PPP2R2A: variants seen among roughly 807,000 people sequenced by gnomAD.
The protein encoded by PPP2R2A is protein phosphatase 2 regulatory subunit Balpha, also known as serine/threonine-protein phosphatase 2A 55 kDa regulatory subunit B alpha isoform.
PPP2R2A carries 9 observed loss-of-function variants against 53.2 expected under a neutral mutation model. The observed-to-expected ratio is 0.17, with a 90% confidence interval of 0.10 to 0.30. PPP2R2A has a LOEUF of 0.30. Ranked by LOEUF, PPP2R2A falls within the 10% of genes least tolerant of loss-of-function variation. The pLI, the probability that PPP2R2A is intolerant of heterozygous loss-of-function variation, is 1.00. For synonymous variants in PPP2R2A, 169 were observed against 174.2 expected, an observed-to-expected ratio of 0.97 and a Z score of 0.23; for missense variants, 235 against 534.6, an observed-to-expected ratio of 0.44 and a Z score of 5.53.
chr8:26,329,845 G>C (rs1803279383), intron 2 of PPP2R2A, among the ~76,000 whole-genome samples: 1 of 152,108 alleles, frequency 6.6e-6, no homozygotes, highest in Admixed American at 6.5e-5. Flanking sequence ...TTTTTACAAA[G>C]AATTCTTCAC....
chr8:26,329,401 T>C (rs7841180), intron 2 of PPP2R2A, among the ~76,000 whole-genome samples: 20 of 152,348 alleles, frequency 1.3e-4, no homozygotes, highest in African/African-American at 4.1e-4. Context: ...TCCTTATTCC[T>C]AATAACCCTG....
chr8:26,305,343 C>G (rs1801969765), intron 2 of PPP2R2A, among the ~76,000 whole-genome samples: 1 of 152,040 alleles, frequency 6.6e-6, no homozygotes, highest in Non-Finnish European at 1.5e-5. Context: ...TGTTTTAACT[C>G]TCGAGCTCCT....
chr8:26,352,929 A>C (rs1370867597), intron 3 of PPP2R2A, among the ~76,000 whole-genome samples: 1 of 152,188 alleles, frequency 6.6e-6, no homozygotes, highest in Non-Finnish European at 1.5e-5. Context: ...GATTCTGTCT[A>C]TCCCTCTACG....
intron 2 of PPP2R2A, among the ~76,000 whole-genome samples, chr8:26,319,503 C>G (rs1171094941): frequency 6.6e-6 from 1 of 152,158 alleles, no homozygotes; most frequent in African/African-American, 2.4e-5. Context: ...AGGTCTTTAG[C>G]CCTTTGATCC....
At chr8:26,313,011 T>C (rs1802363460) in intron 2 of PPP2R2A, among the ~76,000 whole-genome samples, 1 of 152,012 alleles carries the variant, frequency 6.6e-6, no homozygotes. Context: ...TAGCTATTTC[T>C]TCTGGTGTTT....
At chr8:26,325,216 T>TAA (rs1347073761) in intron 2 of PPP2R2A, among the ~76,000 whole-genome samples, 1 of 151,772 alleles carries the variant, frequency 6.6e-6, no homozygotes, top group African/African-American at 2.4e-5. Flanking sequence ...AATTCCCACA[T>TAA]GTTGTTGTGG....
Position 26,370,034 on chromosome 8 carries a change from C to T in PPP2R2A, c.1065-100C>T. On this transcript the variant is annotated intron_variant, in intron 9 of 9. Transcript: ENST00000380737. The surrounding 1 kb of genome is among the most constrained non-coding windows in gnomAD (Gnocchi z 6.1). Reference sequence around the variant, plus strand: ...GCCCCTGTCCCTTAGTTTAAATCTGCTTTTGAAGTAGCTTCCTATGGTTTA... The same window carrying T: ...GCCCCTGTCCCTTAGTTTAAATCTGTTTTTGAAGTAGCTTCCTATGGTTTA... 9 of 1,290,392 alleles carry T rather than the reference C, an allele frequency of 7.0e-6. No homozygotes were observed. The highest frequency in any genetic ancestry group is 9.7e-6 in the Non-Finnish European group (9 of 926,796). 79.9% of individuals were successfully genotyped at this position (1,290,392 alleles called of 1,614,324 possible).
intron 1 of PPP2R2A, chr8:26,292,425 A>G: frequency 1.0e-6 from 1 of 985,552 alleles, no homozygotes; most frequent in Non-Finnish European, 1.2e-6. Flanking sequence ...ACCGCCGAAG[A>G]GTGCAAGGCC....
chr8:26,322,839 GATAA>G (rs961995534), intron 2 of PPP2R2A, among the ~76,000 whole-genome samples: 2 of 152,126 alleles, frequency 1.3e-5, no homozygotes, highest in African/African-American at 4.8e-5. Flanking sequence ...TCCTTTTGAC[GATAA>G]ATAAAGCCAC....
chr8:26,369,870 C>G (rs17400920), intron 9 of PPP2R2A, among the ~76,000 whole-genome samples: 6,834 of 152,234 alleles, frequency 0.045, 189 homozygotes, highest in South Asian at 0.12. Context: ...AACGATAATT[C>G]TGCACTCCTA....
At chr8:26,315,762 G>C (rs1224024088) in intron 2 of PPP2R2A, among the ~76,000 whole-genome samples, 1 of 152,078 alleles carries the variant, frequency 6.6e-6, no homozygotes, top group African/African-American at 2.4e-5. Context: ...TCCTTCTGCT[G>C]TTGCCTTGCG....
chr8:26,295,369 A>G (rs1465290492), intron 2 of PPP2R2A, among the ~76,000 whole-genome samples: 1 of 151,944 alleles, frequency 6.6e-6, no homozygotes, highest in Non-Finnish European at 1.5e-5. Context: ...ATAACTTGTG[A>G]TATACATTAA....
intron 1 of PPP2R2A, 164 bp downstream of exon 1, chr8:26,291,990 G>A: frequency 8.1e-7 from 1 of 1,232,106 alleles, no homozygotes; most frequent in Non-Finnish European, 1.1e-6. Context: ...GAGGGCTCCC[G>A]GGAGGCAAGT....
rs1219207945 is a variant in PPP2R2A at position 26,354,189 on chromosome 8, CA to C, written c.181-278del. On this transcript the variant is annotated intron_variant, in intron 3 of 9. Coordinates refer to ENST00000380737, the MANE Select transcript of PPP2R2A (RefSeq NM_002717.4). The surrounding 1 kb of genome is among the most constrained non-coding windows in gnomAD (Gnocchi z 4.6). ...TTTTCATAGACTATACCATCAAATA[CA>C]TAAGAGTAAATTAGCAATCAAATTG... Among the ~76,000 whole-genome samples the C allele has an allele frequency of 1.3e-5, 2 of 151,984 alleles. No individual in the cohort carries two copies. Among genetic ancestry groups the C allele is most frequent in the Non-Finnish European group, 2.9e-5 (2 of 68,000 alleles).
intron 4 of PPP2R2A, among the ~76,000 whole-genome samples, chr8:26,357,622 T>A (rs1804861597): frequency 6.6e-6 from 1 of 152,148 alleles, no homozygotes; most frequent in Admixed American, 6.5e-5. Context: ...CATATATGAA[T>A]AATGTAAAGT....
chr8:26,297,028 CAA>C lies in PPP2R2A; in HGVS notation c.82+3289_82+3290del, dbSNP rs200097508. On this transcript the variant is annotated intron_variant, in intron 2 of 9. Transcript: ENST00000380737. ...TCCTGTGTGTTTAGCAATGGAATAA[CAA>C]GAGTGGATTAGGTGATTTCTGCTCT... Among the ~76,000 whole-genome samples the C allele has an allele frequency of 7.4e-3, 1,121 of 152,218 alleles. 14 individuals are homozygous for C. Among genetic ancestry groups the C allele is most frequent in the African/African-American group, 0.026 (1,067 of 41,532 alleles).
chr8:26,356,905 G>T (rs1162946920), intron 4 of PPP2R2A, among the ~76,000 whole-genome samples: 1 of 152,062 alleles, frequency 6.6e-6, no homozygotes, highest in Admixed American at 6.6e-5. Flanking sequence ...GTGTTATTTC[G>T]AAGCAAATCC....
Position 26,362,553 on chromosome 8 carries a change from TA to T in PPP2R2A, c.638-126del. The T allele has an allele frequency of 1.2e-6, 1 of 833,452 alleles. No homozygotes were observed. Among genetic ancestry groups the T allele is most frequent in the Non-Finnish European group, 1.8e-6 (1 of 546,706 alleles). The allele number at this position is 833,452 out of a possible 1,614,324, so 51.6% of individuals were successfully genotyped here. On this transcript the variant is annotated intron_variant, in intron 6 of 9. Transcript: ENST00000380737. This position sits in a 1 kb window ranked among gnomAD's most constrained non-coding sequence, Gnocchi z 4.4. ...TTAATCCCTTTGGAATTTATACTCA[TA>T]AAAACAGTGGAGTGCAATTCAGAAT...
At chr8:26,310,133 T>C (rs1205236095) in intron 2 of PPP2R2A, among the ~76,000 whole-genome samples, 1 of 143,542 alleles carries the variant, frequency 7.0e-6, no homozygotes, top group Non-Finnish European at 1.5e-5. Flanking sequence ...ATACAAAAAT[T>C]AGCTGGGTGT....
Sources: gnomAD v4.1 joint callset for allele counts (sites outside exome capture counted in the v4.1 genomes callset) on GRCh38, gnomAD v4.1.1 for gene constraint, Gnocchi (gnomAD v3.1) non-coding constraint, MANE v1.5 for transcripts, NCBI Gene and HGNC (gene_info 2026-07-23, HGNC 2026-07-21) for gene names.